SUCO: variants seen among roughly 807,000 people sequenced by gnomAD.
SUCO encodes SUN domain-containing ossification factor.
In SUCO, 57 loss-of-function variants were observed where a neutral mutation model predicts 148.1. The ratio of observed to expected loss-of-function variants is 0.38; its 90% confidence interval spans 0.31 to 0.48. The LOEUF is 0.48. Ranked by LOEUF, SUCO falls within the 20% of genes least tolerant of loss-of-function variation. The pLI is 0.96. For synonymous variants in SUCO, 470 were observed against 502.7 expected, an observed-to-expected ratio of 0.93 and a Z score of 0.87; for missense variants, 1,331 against 1,468.2, an observed-to-expected ratio of 0.91 and a Z score of 1.53.
intron 11 of SUCO, among the ~76,000 whole-genome samples, chr1:172,576,153 T>G (rs1047839222): frequency 3.3e-4 from 50 of 151,984 alleles, no homozygotes; most frequent in African/African-American, 1.2e-3. Flanking sequence ...CCACTGCTGC[T>G]TCTACCAACT....
At chr1:172,561,563 G>A (rs1444688783) in intron 6 of SUCO, among the ~76,000 whole-genome samples, 1 of 152,152 alleles carries the variant, frequency 6.6e-6, no homozygotes, top group Non-Finnish European at 1.5e-5. Context: ...GTGACAACAT[G>A]ATATCTGCGG....
chr1:172,534,264 A>G (rs2149212984), intron 1 of SUCO, among the ~76,000 whole-genome samples: 1 of 152,278 alleles, frequency 6.6e-6, no homozygotes, highest in South Asian at 2.1e-4. Flanking sequence ...GAGCAGAGAA[A>G]GCTTGTAAGT....
At position 172,585,082 on chromosome 1, in the gene SUCO, A is replaced by G; in HGVS notation, c.1563A>G (p.Thr521=). ...NILGAKTEDL[T]EGNKSISENA... is the part of the protein sequence containing the mutation. ...TGGGAGCAAAAACTGAAGACCTGAC[A>G]GAAGGTACCTAATCATTTTATGGGT... The change falls in exon 16 of 24, where the codon ACA becomes ACG. Residue 521 remains threonine (T), a synonymous_variant. Coordinates refer to ENST00000263688, the MANE Select transcript of SUCO (RefSeq NM_014283.5). 1.2e-6 allele frequency: 2 copies of G among 1,602,912 alleles called. No individual in the cohort carries two copies. Among genetic ancestry groups the G allele is most frequent in the Non-Finnish European group, 1.7e-6 (2 of 1,173,192 alleles).
chr1:172,561,595 A>G (rs1654157894), intron 6 of SUCO, among the ~76,000 whole-genome samples: 1 of 152,196 alleles, frequency 6.6e-6, no homozygotes, highest in African/African-American at 2.4e-5. Flanking sequence ...CATGGCCTCT[A>G]CACCCAATAA....
intron 6 of SUCO, among the ~76,000 whole-genome samples, chr1:172,562,848 G>A (rs1003868080): frequency 5.3e-5 from 8 of 152,090 alleles, no homozygotes; most frequent in Non-Finnish European, 1.2e-4. Flanking sequence ...TAATCCCCAC[G>A]TTAGAGGAGC....
intron 1 of SUCO, among the ~76,000 whole-genome samples, chr1:172,534,964 T>C (rs1157834652): frequency 6.6e-6 from 1 of 152,240 alleles, no homozygotes; most frequent in Non-Finnish European, 1.5e-5. Flanking sequence ...TCTGGCTTTT[T>C]TTAATTTTTT....
chr1:172,609,930 G>T lies in SUCO; in HGVS notation c.3436G>T (p.Asp1146Tyr). ...KGRKPFTNQRDFSNMGEVYHS... is the reference protein window; with the variant it reads ...KGRKPFTNQRYFSNMGEVYHS... ...AAGAAAGCCCTTTACGAACCAGAGA[G>T]ATTTTTCTAATATGGGAGAAGTTTA... is the stretch of plus-strand genomic sequence containing the variant. The change falls in exon 24 of 24, where the codon GAT becomes TAT. Residue 1146 changes from aspartate (D) to tyrosine (Y), a missense_variant. Around this residue, in one of 3 missense-constraint regions of SUCO, gnomAD observed 334 missense variants for 352.3 expected, o/e 0.95. Coordinates refer to ENST00000263688, the MANE Select transcript of SUCO (RefSeq NM_014283.5). 1 of 1,613,938 alleles carries T rather than the reference G, an allele frequency of 6.2e-7. No homozygotes were observed. Among genetic ancestry groups the T allele is most frequent in the Admixed American group, 1.7e-5 (1 of 59,994 alleles).
chr1:172,562,943 A>C (rs541634066), intron 6 of SUCO, among the ~76,000 whole-genome samples: 1 of 152,230 alleles, frequency 6.6e-6, no homozygotes, highest in South Asian at 2.1e-4. Flanking sequence ...GATCTAGTTT[A>C]AAAGTGTGTA....
chr1:172,550,766 A>G, intron 1 of SUCO: 1 of 243,294 alleles, frequency 4.1e-6, no homozygotes. Context: ...CTGTTTCATT[A>G]TTGATTCTTA....
intron 1 of SUCO, among the ~76,000 whole-genome samples, chr1:172,534,583 G>A (rs1311866716): frequency 6.6e-6 from 1 of 152,176 alleles, no homozygotes; most frequent in African/African-American, 2.4e-5. Flanking sequence ...TTTATTGGAA[G>A]AATGATAGAA....
intron 3 of SUCO, 33 bp from the exon 4 acceptor site, chr1:172,555,836 C>G: frequency 6.5e-7 from 1 of 1,549,832 alleles, no homozygotes; most frequent in Non-Finnish European, 8.8e-7. Flanking sequence ...TTAATCTCAA[C>G]ATTTAATTTA....
intron 15 of SUCO, 68 bp downstream of exon 15, chr1:172,579,335 CA>C: frequency 1.0e-6 from 1 of 999,530 alleles, no homozygotes; most frequent in Non-Finnish European, 1.6e-6. Context: ...GACATTTTGT[CA>C]TGGTATGGTT....
chr1:172,609,062 C>T (rs1329661253), intron 23 of SUCO, among the ~76,000 whole-genome samples: 1 of 151,974 alleles, frequency 6.6e-6, no homozygotes, highest in Non-Finnish European at 1.5e-5. Context: ...AAATGTGTGA[C>T]CTGCAAAGCC....
intron 6 of SUCO, among the ~76,000 whole-genome samples, chr1:172,558,650 T>C (rs1467888018): frequency 6.6e-6 from 1 of 152,210 alleles, no homozygotes; most frequent in African/African-American, 2.4e-5. Context: ...TGACGATGTT[T>C]CTTACAAATA....
At chr1:172,595,833 G>C (rs967182710) in intron 19 of SUCO, among the ~76,000 whole-genome samples, 2 of 152,192 alleles carry the variant, frequency 1.3e-5, no homozygotes, top group African/African-American at 4.8e-5. Flanking sequence ...TGCCTTGCTA[G>C]GTTGGGGAAG....
Position 172,569,523 on chromosome 1 carries a change from G to C in SUCO, c.856+381G>C, listed in dbSNP as rs112739395. ...ACTTACCAAAAGGTGTTTTACATAT[G>C]ATGTTTCAAGAACATACCTAAAGAA... is the stretch of plus-strand genomic sequence containing the variant. On this transcript the variant is annotated intron_variant, in intron 7 of 23. Transcript: ENST00000263688. 557 of 980,762 alleles carry C rather than the reference G, an allele frequency of 5.7e-4. No homozygotes were observed. In the African/African-American group the frequency reaches 9.1e-3, roughly 16 times the overall value. The allele number at this position is 980,762 out of a possible 1,614,324, so 60.8% of individuals were successfully genotyped here. A position where few individuals can be genotyped will look rare whatever the true frequency, so the allele number is the denominator to read the frequency against.
At chr1:172,539,686 G>A (rs560398120) in intron 1 of SUCO, among the ~76,000 whole-genome samples, 2 of 152,268 alleles carry the variant, frequency 1.3e-5, no homozygotes, top group African/African-American at 4.8e-5. Context: ...ACATGTAAAG[G>A]CTAAGAACAG....
intron 10 of SUCO, among the ~76,000 whole-genome samples, chr1:172,574,631 T>C (rs1379271662): frequency 1.3e-5 from 2 of 152,072 alleles, no homozygotes; most frequent in Non-Finnish European, 2.9e-5. Context: ...AAATACTCTT[T>C]AGTCTTTTAC....
At chr1:172,559,429 G>A (rs1411546634) in intron 6 of SUCO, among the ~76,000 whole-genome samples, 2 of 152,238 alleles carry the variant, frequency 1.3e-5, no homozygotes, top group South Asian at 2.1e-4. Flanking sequence ...TCTGATGCAG[G>A]ACAGGCAAGC....
Sources: gnomAD v4.1 joint callset for allele counts (sites outside exome capture counted in the v4.1 genomes callset) on GRCh38, gnomAD v4.1.1 for gene constraint, gnomAD v4.1.1 regional missense constraint, MANE v1.5 for transcripts, NCBI Gene and HGNC (gene_info 2026-07-23, HGNC 2026-07-21) for gene names.